PPP1R1A: variants seen among roughly 807,000 people sequenced by gnomAD.
The protein encoded by PPP1R1A is protein phosphatase 1 regulatory inhibitor subunit 1A.
PPP1R1A carries 18 observed loss-of-function variants against 23.9 expected under a neutral mutation model. The observed-to-expected ratio is 0.75, with a 90% confidence interval of 0.52 to 1.12. PPP1R1A has a LOEUF of 1.12. Among genes scored for constraint, PPP1R1A ranks in the 50% most tolerant of loss-of-function variants. PPP1R1A has a pLI of 0.00. For synonymous variants in PPP1R1A, 84 were observed against 80.7 expected, an observed-to-expected ratio of 1.04 and a Z score of -0.22; for missense variants, 207 against 223.8, an observed-to-expected ratio of 0.92 and a Z score of 0.48.
Position 54,581,216 on chromosome 12 carries a change from TTAC to T in PPP1R1A, c.404-169_404-167del, listed in dbSNP as rs2121201707. Among the ~76,000 whole-genome samples the T allele has an allele frequency of 1.3e-5, 2 of 152,322 alleles. No individual in the cohort carries two copies. The highest frequency in any genetic ancestry group is 2.9e-5 in the Non-Finnish European group (2 of 68,034). ...CCAACAGGGTTTTCTTTGATCACAA[TTAC>T]TACTATATGTTCACTTTTAAAAAAT... is the stretch of plus-strand genomic sequence containing the variant. On this transcript the variant is annotated intron_variant, in intron 5 of 6. Transcript: ENST00000257905. This position sits in a 1 kb window ranked among gnomAD's most constrained non-coding sequence, Gnocchi z 4.1.
At position 54,581,938 on chromosome 12, in the gene PPP1R1A, A is replaced by T; in HGVS notation, c.403+38T>A. On this transcript the variant is annotated intron_variant, in intron 5 of 6. Transcript: ENST00000257905. The surrounding 1 kb of genome is among the most constrained non-coding windows in gnomAD (Gnocchi z 4.1). ...AAGGCTTGCCTCCTGCTGGGCTGGGAAATAGGATGCCTGGGGCCCTCCCCA... is the reference window on the plus strand; with the variant it reads ...AAGGCTTGCCTCCTGCTGGGCTGGGTAATAGGATGCCTGGGGCCCTCCCCA... 1 of 1,579,630 alleles carries T rather than the reference A, an allele frequency of 6.3e-7. No individual in the cohort carries two copies. The highest frequency in any genetic ancestry group is 1.8e-5 in the Admixed American group (1 of 57,034).
chr12:54,587,904 G>GC (rs2121220460), intron 1 of PPP1R1A, among the ~76,000 whole-genome samples: 1 of 152,122 alleles, frequency 6.6e-6, no homozygotes, highest in African/African-American at 2.4e-5. Context: ...CAGCAAGGTG[G>GC]CCCCCAGTTA....
intron 2 of PPP1R1A, among the ~76,000 whole-genome samples, 174 bp downstream of exon 2, chr12:54,584,086 T>C (rs1260391688): frequency 6.6e-6 from 1 of 152,228 alleles, no homozygotes; most frequent in Non-Finnish European, 1.5e-5. Flanking sequence ...AACTGCTCCA[T>C]CTTTCCAAAA....
chr12:54,583,175 T>G, intron 3 of PPP1R1A, 36 bp downstream of exon 3: 2 of 1,549,358 alleles, frequency 1.3e-6, no homozygotes, highest in South Asian at 1.3e-5. Flanking sequence ...ATGTGGGGGT[T>G]TTTTGGGCTG....
chr12:54,580,543 T>C (rs999610159), intron 6 of PPP1R1A, among the ~76,000 whole-genome samples, 151 bp from the exon 7 acceptor site: 3 of 152,230 alleles, frequency 2.0e-5, no homozygotes, highest in African/African-American at 7.2e-5. Context: ...GTCCAGTCTA[T>C]GCAGGGGGCT....
intron 1 of PPP1R1A, among the ~76,000 whole-genome samples, chr12:54,585,903 C>T (rs1033022477): frequency 7.2e-5 from 11 of 152,158 alleles, no homozygotes; most frequent in Admixed American, 5.2e-4. Context: ...CCCGCAGTAC[C>T]AGTCCTTTGT....
intron 4 of PPP1R1A, 54 bp downstream of exon 4, chr12:54,582,678 C>T: frequency 6.3e-7 from 1 of 1,583,870 alleles, no homozygotes; most frequent in Non-Finnish European, 8.7e-7. Context: ...CATTCGGTCT[C>T]CTCTTCAGCT....
intron 1 of PPP1R1A, 54 bp from the exon 2 acceptor site, chr12:54,584,374 G>A: frequency 2.0e-6 from 3 of 1,478,110 alleles, no homozygotes; most frequent in Non-Finnish European, 2.8e-6. Flanking sequence ...AAGCATCAAA[G>A]CCCCACCCAA....
chr12:54,586,777 C>T (rs1024738011), intron 1 of PPP1R1A, among the ~76,000 whole-genome samples: 2 of 152,154 alleles, frequency 1.3e-5, no homozygotes, highest in African/African-American at 4.8e-5. Context: ...CCTTCCTCCT[C>T]CTCCTCCCTA....
chr12:54,582,179 G>C (rs766064943), intron 4 of PPP1R1A, 48 bp from the exon 5 acceptor site: 1 of 1,554,640 alleles, frequency 6.4e-7, no homozygotes, highest in Non-Finnish European at 8.7e-7. Context: ...ACTGCCTAGC[G>C]TCTCCCCTGT....
intron 1 of PPP1R1A, among the ~76,000 whole-genome samples, chr12:54,587,108 A>G (rs1362460467): frequency 3.9e-5 from 6 of 152,190 alleles, no homozygotes; most frequent in Non-Finnish European, 8.8e-5. Flanking sequence ...ACCCCAGGCC[A>G]GAGAGAGGAC....
intron 1 of PPP1R1A, among the ~76,000 whole-genome samples, chr12:54,587,002 C>G (rs1372428356): frequency 6.6e-6 from 1 of 152,238 alleles, no homozygotes; most frequent in Non-Finnish European, 1.5e-5. Context: ...ACAACCCATG[C>G]TGATGGCTCT....
chr12:54,584,790 C>T lies in PPP1R1A; in HGVS notation c.85-470G>A, dbSNP rs138059380. ...AACCAGGGTGAACATCCCTGGGCTC[C>T]TCCCCCTCCCCTGGGGAGAGCTAAT... On this transcript the variant is annotated intron_variant, in intron 1 of 6. Coordinates refer to ENST00000257905, the MANE Select transcript of PPP1R1A (RefSeq NM_006741.4). Among the ~76,000 whole-genome samples the T allele has an allele frequency of 5.7e-3, 860 of 152,160 alleles. 5 individuals carry two copies. Among genetic ancestry groups the T allele is most frequent in the African/African-American group, 0.02 (816 of 41,482 alleles).
At chr12:54,582,630 A>G (rs1957866504) in intron 4 of PPP1R1A, 102 bp downstream of exon 4, 3 of 1,366,568 alleles carry the variant, frequency 2.2e-6, no homozygotes, top group South Asian at 2.4e-5. Context: ...CAGTTCTACC[A>G]TAATAAAGGC....
At chr12:54,583,136 C>A in intron 3 of PPP1R1A, 75 bp downstream of exon 3, 1 of 1,439,842 alleles carries the variant, frequency 6.9e-7, no homozygotes, top group Non-Finnish European at 9.4e-7. Flanking sequence ...AGATGGGCGG[C>A]AGGGTTTTAA....
intron 6 of PPP1R1A, 22 bp from the exon 7 acceptor site, chr12:54,580,414 A>C (rs1957843635): frequency 6.2e-7 from 1 of 1,606,698 alleles, no homozygotes. Context: ...GAAAGGGGAC[A>C]GAAAGAGAAG....
rs775258448 is a variant in PPP1R1A, at chr12:54,582,131, T to A, written c.248A>T (p.Glu83Val). 4 of 1,612,228 alleles carry A rather than the reference T, an allele frequency of 2.5e-6. No homozygotes were observed. Among genetic ancestry groups the A allele is most frequent in the Non-Finnish European group, 3.4e-6 (4 of 1,179,138 alleles). Reference protein sequence around the residue: ...KMTRITPTMKELQMMVEHHLG... With the variant: ...KMTRITPTMKVLQMMVEHHLG... ...GTGATGTTCAACCATCATCTGGAGC[T>A]CTGGGGACACAGAGAAAGGGAGGGA... The change falls in exon 5 of 7, where the codon GAG (glutamate) becomes GTG (valine). Residue 83 changes from glutamate to valine, a missense_variant and splice_region_variant. Glu to Val is a moderately radical substitution (Grantham distance 121). Transcript: ENST00000257905.
Position 54,581,884 on chromosome 12 carries a change from T to C in PPP1R1A, c.403+92A>G, listed in dbSNP as rs900880202. 2 of 1,453,532 alleles carry C rather than the reference T, an allele frequency of 1.4e-6. No individual in the cohort carries two copies. The highest frequency in any genetic ancestry group is 1.4e-5 in the African/African-American group (1 of 70,182). 90.0% of individuals were successfully genotyped at this position (1,453,532 alleles called of 1,614,324 possible). On this transcript the variant is annotated intron_variant, in intron 5 of 6. Transcript: ENST00000257905. This position sits in a 1 kb window ranked among gnomAD's most constrained non-coding sequence, Gnocchi z 4.1. ...GCCTACTACTAGGCCTCTCCCAGGC[T>C]CCAACTCTTTCCCCTCCCCGCAGTG... is the stretch of plus-strand genomic sequence containing the variant.
At position 54,579,994 on chromosome 12, in the gene PPP1R1A, C is replaced by A; in HGVS notation, c.*393G>T. ...CCTGTGAGGTGGTCGGATCGTTCCT[C>A]AATAAGAAAAGAGAACCTGGGGCTT... is the stretch of plus-strand genomic sequence containing the variant. On this transcript the variant is annotated 3_prime_UTR_variant, in exon 7 of 7. Coordinates refer to ENST00000257905, the MANE Select transcript of PPP1R1A (RefSeq NM_006741.4). 9.9e-7 allele frequency: 1 copy of A among 1,008,344 alleles called. No homozygotes were observed. The highest frequency in any genetic ancestry group is 1.2e-6 in the Non-Finnish European group (1 of 843,734). The allele number at this position is 1,008,344 out of a possible 1,614,324, so 62.5% of individuals were successfully genotyped here.
Sources: gnomAD v4.1 joint callset for allele counts (sites outside exome capture counted in the v4.1 genomes callset) on GRCh38, gnomAD v4.1.1 for gene constraint, Gnocchi (gnomAD v3.1) non-coding constraint, MANE v1.5 for transcripts, NCBI Gene and HGNC (gene_info 2026-07-23, HGNC 2026-07-21) for gene names.